The following ROBO2 variants were observed in gnomAD, a reference collection of about 807,000 sequenced individuals.
ROBO2 encodes the protein roundabout guidance receptor 2.
In ROBO2, 53 loss-of-function variants were observed where a neutral mutation model predicts 160.8. The observed-to-expected ratio is 0.33, with a 90% CI of 0.26 to 0.41. ROBO2 has a LOEUF of 0.41. Among genes scored for constraint, ROBO2 ranks in the 10% least tolerant of loss-of-function variants. The pLI is 1.00. For synonymous variants in ROBO2, 664 were observed against 611.7 expected (o/e 1.09, Z -1.26); for missense variants, 1,577 against 1,722.4 (o/e 0.92, Z 1.49).
In ROBO2 at chr3:76,448,687, A is replaced by G. The variant is rs184007768; in HGVS notation, c.109+511085A>G. Among the ~76,000 whole-genome samples the G allele has an allele frequency of 5.5e-4, 84 of 152,296 alleles. 1 individual carries two copies. Among genetic ancestry groups the G allele is most frequent in the African/African-American group, 1.9e-3 (79 of 41,568 alleles). Reference sequence around the variant, plus strand: ...AGAAGTACATAAAATTCTTGGAACCAACTAAAACTTCCTCTTAGCTAAGTT... The same window carrying G: ...AGAAGTACATAAAATTCTTGGAACCGACTAAAACTTCCTCTTAGCTAAGTT... On this transcript the variant is annotated intron_variant, in intron 2 of 26. Transcript: ENST00000487694.
chr3:77,258,845 G>T (rs1184833524), intron 2 of ROBO2, among the ~76,000 whole-genome samples: 9 of 152,174 alleles, frequency 5.9e-5, no homozygotes, highest in Admixed American at 6.6e-5. Flanking sequence ...TTGTCTTGGG[G>T]ACAAAATTTC....
chr3:76,282,856 C>T (rs1576250234), intron 2 of ROBO2, among the ~76,000 whole-genome samples: 1 of 151,674 alleles, frequency 6.6e-6, no homozygotes, highest in Non-Finnish European at 1.5e-5. Context: ...AACACACATA[C>T]TTATGCATAT....
chr3:77,462,382 C>T (rs998750901), intron 2 of ROBO2, among the ~76,000 whole-genome samples: 2 of 152,068 alleles, frequency 1.3e-5, no homozygotes, highest in African/African-American at 4.8e-5. Flanking sequence ...AATTTTTAGT[C>T]TATCTTTGAA....
At chr3:77,403,499 A>G (rs1290865075) in intron 2 of ROBO2, among the ~76,000 whole-genome samples, 1 of 151,248 alleles carries the variant, frequency 6.6e-6, no homozygotes, top group African/African-American at 2.4e-5. Context: ...ACTTAACCTA[A>G]TGGTCTCCAG....
At chr3:75,989,306 C>T (rs959535478) in intron 2 of ROBO2, among the ~76,000 whole-genome samples, 2 of 152,076 alleles carry the variant, frequency 1.3e-5, no homozygotes, top group Non-Finnish European at 2.9e-5. Context: ...TTACTAGAGA[C>T]GAAGTTTCAC....
intron 2 of ROBO2, among the ~76,000 whole-genome samples, chr3:76,269,652 C>A (rs976477128): frequency 6.6e-6 from 1 of 151,216 alleles, no homozygotes; most frequent in African/African-American, 2.4e-5. Flanking sequence ...GCACATTTAT[C>A]TTTTATATAA....
intron 2 of ROBO2, among the ~76,000 whole-genome samples, chr3:77,332,673 G>C (rs2066094500): frequency 6.6e-6 from 1 of 152,008 alleles, no homozygotes; most frequent in African/African-American, 2.4e-5. Context: ...TTACATAATA[G>C]ACATATTTGT....
At chr3:76,406,695 A>G (rs1345110545) in intron 2 of ROBO2, among the ~76,000 whole-genome samples, 2 of 151,900 alleles carry the variant, frequency 1.3e-5, no homozygotes, top group Non-Finnish European at 2.9e-5. Context: ...TTATTCTACT[A>G]CTTGTAATGA....
chr3:77,032,427 A>G (rs1460853231), intron 2 of ROBO2, among the ~76,000 whole-genome samples: 1 of 152,204 alleles, frequency 6.6e-6, no homozygotes, highest in African/African-American at 2.4e-5. Context: ...TAAAAGGTAT[A>G]TTGCAGTGCT....
chr3:76,806,930 T>A (rs912142031), intron 2 of ROBO2, among the ~76,000 whole-genome samples: 1 of 152,072 alleles, frequency 6.6e-6, no homozygotes, highest in Admixed American at 6.6e-5. Flanking sequence ...TGGAATTGAA[T>A]CTTGACTTGT....
intron 1 of ROBO2, among the ~76,000 whole-genome samples, chr3:77,064,917 G>A (rs2066691958): frequency 6.6e-6 from 1 of 152,098 alleles, no homozygotes; most frequent in Non-Finnish European, 1.5e-5. Context: ...GGAATATGGA[G>A]GTCTTGATAG....
intron 2 of ROBO2, among the ~76,000 whole-genome samples, chr3:77,322,875 G>GTATTATAATATATATA (rs2064901807): frequency 2.0e-5 from 1 of 49,834 alleles, no homozygotes; most frequent in African/African-American, 7.0e-5. Flanking sequence ...AATATATTAT[G>GTATTATAATATATATA]TAATATATTA....
intron 1 of ROBO2, among the ~76,000 whole-genome samples, chr3:77,049,523 A>G (rs2065012025): frequency 6.6e-6 from 1 of 152,204 alleles, no homozygotes. Flanking sequence ...ACTCTCATTC[A>G]TTAATGACCA....
At chr3:76,155,391 C>T (rs1315166316) in intron 2 of ROBO2, among the ~76,000 whole-genome samples, 1 of 151,814 alleles carries the variant, frequency 6.6e-6, no homozygotes, top group East Asian at 1.9e-4. Context: ...GCAAAATAGA[C>T]TATGAAAAAT....
At chr3:76,213,026 T>C (rs1215122165) in intron 2 of ROBO2, among the ~76,000 whole-genome samples, 2 of 152,148 alleles carry the variant, frequency 1.3e-5, no homozygotes, top group Non-Finnish European at 2.9e-5. Flanking sequence ...AGCCACATTA[T>C]GTGTCACAAG....
chr3:75,915,136 C>T (rs1373121431), intron 1 of ROBO2, among the ~76,000 whole-genome samples: 1 of 152,194 alleles, frequency 6.6e-6, no homozygotes, highest in African/African-American at 2.4e-5. Context: ...GATGTTGTTA[C>T]TATTTACTGA....
intron 2 of ROBO2, among the ~76,000 whole-genome samples, chr3:76,768,910 C>T (rs1264918930): frequency 1.3e-5 from 2 of 151,232 alleles, no homozygotes; most frequent in African/African-American, 4.8e-5. Context: ...TTTAATGTCC[C>T]TTTATATACT....
chr3:76,496,488 G>A (rs1208894064), intron 2 of ROBO2, among the ~76,000 whole-genome samples: 2 of 152,092 alleles, frequency 1.3e-5, no homozygotes, highest in Non-Finnish European at 2.9e-5. Context: ...TGTTACTAAA[G>A]GCTTATTTGC....
At chr3:76,991,345 C>T (rs2060655778) in intron 2 of ROBO2, among the ~76,000 whole-genome samples, 1 of 152,166 alleles carries the variant, frequency 6.6e-6, no homozygotes, top group South Asian at 2.1e-4. Context: ...TTCTAAACTA[C>T]TAAATTATGA....
Sources: gnomAD v4.1 joint callset for allele counts (sites outside exome capture counted in the v4.1 genomes callset) on GRCh38, gnomAD v4.1.1 for gene constraint, MANE v1.5 for transcripts, NCBI Gene and HGNC (gene_info 2026-07-23, HGNC 2026-07-21) for gene names.